RIC1: variants seen among roughly 807,000 people sequenced by gnomAD.
RIC1 encodes RIC1 partner of RAB6A GEF complex.
In RIC1, 88 loss-of-function variants were observed where a neutral mutation model predicts 169.0. That is an observed-to-expected ratio of 0.52 (90% CI 0.44 to 0.62). The LOEUF (loss-of-function observed/expected upper bound fraction) is 0.62. RIC1 is among the 20% of genes least tolerant of loss of function. The pLI is 0.00. For missense variants in RIC1, 1,877 were observed against 1,725.5 expected (o/e 1.09, Z -1.56); for synonymous variants, 790 against 601.5 (o/e 1.31, Z -4.59).
chr9:5,740,308 C>G (rs1228374904), intron 8 of RIC1, among the ~76,000 whole-genome samples: 1 of 152,014 alleles, frequency 6.6e-6, no homozygotes, highest in African/African-American at 2.4e-5. Context: ...GAGTCCTTAG[C>G]ATTTTGGGGT....
At chr9:5,656,840 G>C (rs1233287424) in intron 2 of RIC1, 150 bp downstream of exon 2, 2 of 535,982 alleles carry the variant, frequency 3.7e-6, no homozygotes, top group Non-Finnish European at 6.7e-6. Context: ...ATTATTCTAT[G>C]TGGATTACTC....
chr9:5,700,123 T>C (rs916307411), intron 3 of RIC1, among the ~76,000 whole-genome samples: 9 of 152,136 alleles, frequency 5.9e-5, no homozygotes, highest in Non-Finnish European at 1.0e-4. Context: ...TTTCTGTTCT[T>C]TCCTTCACAA....
chr9:5,770,129 T>G lies in RIC1; in HGVS notation c.3467T>G (p.Leu1156Trp). 6.2e-7 allele frequency: 1 copy of G among 1,613,674 alleles called. No individual in the cohort carries two copies. The highest frequency in any genetic ancestry group is 8.5e-7 in the Non-Finnish European group (1 of 1,179,792). The change falls in exon 23 of 26, where the codon TTG becomes TGG. Residue 1156 changes from leucine (L) to tryptophan (W), a missense_variant. By Grantham distance (61) the Leu-to-Trp change is moderately conservative. Around this residue, in one of 3 missense-constraint regions of RIC1, gnomAD observed 681 missense variants for 582.0 expected, o/e 1.17. Transcript: ENST00000414202. ...AAGTCTCAATCAGCTGACCCATTTTTGAACCTTGAGATGGATGCTGGCATC... is the reference window on the plus strand; with the variant it reads ...AAGTCTCAATCAGCTGACCCATTTTGGAACCTTGAGATGGATGCTGGCATC... ...LLKSQSADPF[L>W]NLEMDAGISN...
At chr9:5,778,315 A>G (rs550929895), downstream of RIC1, among the ~76,000 whole-genome samples, 23 of 152,312 alleles carry the variant, frequency 1.5e-4, no homozygotes, top group Non-Finnish European at 2.8e-4. Context: ...GATTTTCTAC[A>G]TTGAAGGTCA....
At chr9:5,733,388 C>T (rs1183706516) in intron 7 of RIC1, among the ~76,000 whole-genome samples, 3 of 151,718 alleles carry the variant, frequency 2.0e-5, no homozygotes, top group Non-Finnish European at 2.9e-5. Context: ...CTCAGCCTCC[C>T]GAGTAGCTGG....
intron 3 of RIC1, among the ~76,000 whole-genome samples, chr9:5,710,023 T>C (rs1327449896): frequency 6.6e-6 from 1 of 152,162 alleles, no homozygotes; most frequent in Non-Finnish European, 1.5e-5. Context: ...GAAATAAAAT[T>C]CCCATCTTTA....
At chr9:5,694,102 T>C (rs1821751125) in intron 3 of RIC1, among the ~76,000 whole-genome samples, 1 of 152,180 alleles carries the variant, frequency 6.6e-6, no homozygotes, top group Non-Finnish European at 1.5e-5. Context: ...GCTAATGAAT[T>C]AGTGCCAGCT....
intron 2 of RIC1, among the ~76,000 whole-genome samples, chr9:5,685,877 T>C (rs1563899393): frequency 7.1e-6 from 1 of 141,092 alleles, no homozygotes; most frequent in Non-Finnish European, 1.6e-5. Flanking sequence ...AACCTACTCA[T>C]CTGACAAAGG....
chr9:5,641,650 GCC>G (rs1818255988), intron 1 of RIC1, among the ~76,000 whole-genome samples: 2 of 115,018 alleles, frequency 1.7e-5, no homozygotes, highest in African/African-American at 1.0e-4. Flanking sequence ...TTGTCAAGTA[GCC>G]TGTCTCCAAG....
chr9:5,702,013 C>G (rs982907862), intron 3 of RIC1, among the ~76,000 whole-genome samples: 4 of 152,164 alleles, frequency 2.6e-5, no homozygotes, highest in African/African-American at 7.2e-5. Context: ...CTCATCTTTA[C>G]TCATTTAAGA....
At chr9:5,657,260 CCTT>C (rs1465974826) in intron 2 of RIC1, among the ~76,000 whole-genome samples, 1 of 152,052 alleles carries the variant, frequency 6.6e-6, no homozygotes, top group Non-Finnish European at 1.5e-5. Flanking sequence ...ATCTGTTTCT[CCTT>C]TTTTTCTTCT....
chr9:5,752,085 A>G (rs1277334750), intron 12 of RIC1, among the ~76,000 whole-genome samples: 5 of 152,224 alleles, frequency 3.3e-5, no homozygotes, highest in African/African-American at 7.2e-5. Context: ...AGAGAGATCA[A>G]TCTCATTAAA....
chr9:5,663,709 A>G (rs1349265529), intron 2 of RIC1, among the ~76,000 whole-genome samples: 1 of 152,148 alleles, frequency 6.6e-6, no homozygotes, highest in African/African-American at 2.4e-5. Context: ...GTCTTTGCAC[A>G]TGATATGGGT....
At chr9:5,750,081 C>A (rs1271863202) in intron 12 of RIC1, among the ~76,000 whole-genome samples, 1 of 149,788 alleles carries the variant, frequency 6.7e-6, no homozygotes, top group Non-Finnish European at 1.5e-5. Flanking sequence ...CCAGCCAAAG[C>A]AAGCACCAGC....
At chr9:5,689,084 T>C (rs1460319855) in intron 2 of RIC1, among the ~76,000 whole-genome samples, 4 of 138,248 alleles carry the variant, frequency 2.9e-5, no homozygotes, top group Non-Finnish European at 6.1e-5. Context: ...AGTCTCGCTC[T>C]GTCGCCCAGC....
intron 3 of RIC1, among the ~76,000 whole-genome samples, chr9:5,708,126 G>A (rs1210666829): frequency 1.3e-5 from 2 of 151,976 alleles, no homozygotes; most frequent in Non-Finnish European, 2.9e-5. Flanking sequence ...CAACAGCCTA[G>A]TTTGAAGTAA....
chr9:5,680,643 T>G (rs1034088558), intron 2 of RIC1, among the ~76,000 whole-genome samples: 2 of 152,030 alleles, frequency 1.3e-5, no homozygotes, highest in African/African-American at 4.8e-5. Context: ...TGTAGAGGTG[T>G]TTATGGTATT....
chr9:5,757,199 G>C lies in RIC1; in HGVS notation c.1854-114G>C, dbSNP rs552284184. ...ATATATGGGGAGAAGATGATAGGTA[G>C]TAAGACATCTGAGTCTTCCATAAGC... On this transcript the variant is annotated intron_variant, in intron 16 of 25. Transcript: ENST00000414202. 3.6e-5 allele frequency: 44 copies of C among 1,221,856 alleles called. No individual in the cohort carries two copies. In the East Asian group the frequency reaches 9.4e-4, roughly 26 times the overall value. 75.7% of individuals were successfully genotyped at this position (1,221,856 alleles called of 1,614,324 possible).
chr9:5,700,986 G>C (rs1822180886), intron 3 of RIC1, among the ~76,000 whole-genome samples: 2 of 152,002 alleles, frequency 1.3e-5, no homozygotes, highest in Non-Finnish European at 2.9e-5. Context: ...TTTTAGTTCA[G>C]ATTCTTCTCA....
Sources: gnomAD v4.1 joint callset for allele counts (sites outside exome capture counted in the v4.1 genomes callset) on GRCh38, gnomAD v4.1.1 for gene constraint, gnomAD v4.1.1 regional missense constraint, MANE v1.5 for transcripts, NCBI Gene and HGNC (gene_info 2026-07-23, HGNC 2026-07-21) for gene names.